The following PPP6R3 variants were observed in gnomAD, a reference collection of about 807,000 sequenced individuals.
PPP6R3 encodes serine/threonine-protein phosphatase 6 regulatory subunit 3.
A neutral mutation model predicts 110.7 loss-of-function variants in PPP6R3; 38 were observed. The observed-to-expected ratio is 0.34, with a 90% confidence interval of 0.26 to 0.45. The LOEUF (loss-of-function observed/expected upper bound fraction) is 0.45, where lower values mean the gene tolerates loss of function less well. PPP6R3 is among the 20% of genes least tolerant of loss of function. PPP6R3 has a pLI of 1.00. For missense variants in PPP6R3, 870 were observed against 1,062.4 expected, an observed-to-expected ratio of 0.82 and a Z score of 2.52; for synonymous variants, 369 against 373.5, an observed-to-expected ratio of 0.99 and a Z score of 0.14.
At chr11:68,506,414 C>CAAAAAAAAAAAAAAAAAAAAAA (rs67739319) in intron 1 of PPP6R3, among the ~76,000 whole-genome samples, 11 of 46,072 alleles carry the variant, frequency 2.4e-4, no homozygotes, top group Admixed American at 3.8e-4. Flanking sequence ...CCTTTATACT[C>CAAAAAAAAAAAAAAAAAAAAAA]AAAAAAAAAA....
chr11:68,547,851 C>CAT (rs3831403), intron 4 of PPP6R3, among the ~76,000 whole-genome samples: 38,367 of 151,862 alleles, frequency 0.25, 5,055 homozygotes, highest in Middle Eastern at 0.32. Context: ...TATTAATGGA[C>CAT]GTGCTAATTT....
In PPP6R3 at chr11:68,576,058, G is replaced by T. The variant is rs746687977; in HGVS notation, c.1545+15G>T. On this transcript the variant is annotated intron_variant, in intron 14 of 23. Transcript: ENST00000393800. ...CGGTAGATCTAGTAGGTTTTACAAG[G>T]TTACATTTTTATTCTTTCAGTGCTC... 3 of 1,558,830 alleles carry T rather than the reference G, an allele frequency of 1.9e-6. No individual in the cohort carries two copies. Among genetic ancestry groups the T allele is most frequent in the Non-Finnish European group, 8.8e-7 (1 of 1,136,634 alleles).
chr11:68,575,898 T>G, intron 13 of PPP6R3, 60 bp from the exon 14 acceptor site: 1 of 1,296,976 alleles, frequency 7.7e-7, no homozygotes, highest in South Asian at 1.3e-5. Flanking sequence ...CTGCTTACTT[T>G]ATTTGTCTCC....
chr11:68,492,411 A>C (rs1008324643), intron 1 of PPP6R3, among the ~76,000 whole-genome samples: 2 of 152,166 alleles, frequency 1.3e-5, no homozygotes, highest in Non-Finnish European at 1.5e-5. Context: ...GGCCTCCCAG[A>C]ATGCTGGGAT....
At chr11:68,468,445 A>G (rs2098764574) in intron 1 of PPP6R3, among the ~76,000 whole-genome samples, 1 of 152,188 alleles carries the variant, frequency 6.6e-6, no homozygotes, top group African/African-American at 2.4e-5. Flanking sequence ...TCTGTGAATG[A>G]CTGTCCCTTT....
intron 9 of PPP6R3, among the ~76,000 whole-genome samples, chr11:68,566,193 A>T (rs1034792358): frequency 3.3e-5 from 5 of 152,144 alleles, no homozygotes; most frequent in African/African-American, 7.2e-5. Flanking sequence ...TGAGGATTGT[A>T]TTCCAAAACC....
At chr11:68,491,328 C>CTGTGCGTGTGTGTGTGTGTG (rs2098982532) in intron 1 of PPP6R3, among the ~76,000 whole-genome samples, 1 of 123,480 alleles carries the variant, frequency 8.1e-6, no homozygotes, top group Admixed American at 8.4e-5. Flanking sequence ...GTGTCTTCAG[C>CTGTGCGTGTGTGTGTGTGTG]TGTGTGTGTG....
At chr11:68,607,749 T>C (rs188006369) in intron 22 of PPP6R3, among the ~76,000 whole-genome samples, 66 of 152,288 alleles carry the variant, frequency 4.3e-4, no homozygotes, top group African/African-American at 1.5e-3. Flanking sequence ...CTATCTAATC[T>C]ATCATCTGTC....
intron 1 of PPP6R3, among the ~76,000 whole-genome samples, chr11:68,475,653 C>A (rs984655262): frequency 6.6e-6 from 1 of 151,044 alleles, no homozygotes; most frequent in South Asian, 2.1e-4. Context: ...ACCTCCCTCC[C>A]GGACGGGGCG....
intron 1 of PPP6R3, among the ~76,000 whole-genome samples, chr11:68,493,160 G>A (rs2098994075): frequency 6.6e-6 from 1 of 152,098 alleles, no homozygotes; most frequent in South Asian, 2.1e-4. Context: ...GATATGTAGG[G>A]TCTAAGTGCT....
intron 1 of PPP6R3, among the ~76,000 whole-genome samples, chr11:68,475,760 G>A (rs1217992703): frequency 5.4e-5 from 6 of 110,300 alleles, no homozygotes; most frequent in African/African-American, 9.8e-5. Context: ...GCTGCCGGGC[G>A]GAGGGGCTCC....
chr11:68,498,198 A>G (rs1227103029), intron 1 of PPP6R3, among the ~76,000 whole-genome samples: 1 of 152,150 alleles, frequency 6.6e-6, no homozygotes, highest in African/African-American at 2.4e-5. Flanking sequence ...CCCAGTTGCT[A>G]TTTTACCAGC....
chr11:68,523,720 CCT>C lies in PPP6R3; in HGVS notation c.-7+4070_-7+4071del, dbSNP rs1303421461. 4.6e-3 allele frequency among the ~76,000 whole-genome samples: 361 copies of C among 78,698 alleles called. 1 individual carries two copies. Among genetic ancestry groups the C allele is most frequent in the African/African-American group, 0.017 (343 of 20,150 alleles). The allele number at this position is 78,698 out of a possible 152,430, so 51.6% of individuals were successfully genotyped here. A position where few individuals can be genotyped will look rare whatever the true frequency, so the allele number is the denominator to read the frequency against. On this transcript the variant is annotated intron_variant, in intron 2 of 23. Transcript: ENST00000393800. ...CCATGCCCCCCTGCCCCCCCCCCCC[CCT>C]TTTTTTTTTCTCTTGGCCAAGAGGT...
rs371757193 is a variant in PPP6R3 at position 68,488,103 on chromosome 11, T to C, written c.-158+27276T>C. Among the ~76,000 whole-genome samples the C allele has an allele frequency of 2.2e-4, 33 of 152,372 alleles. No individual in the cohort carries two copies. The East Asian group carries it at 4.6e-3, about 21-fold the overall frequency. ...TCTTGGAATATTTCTTCCTTTATCA[T>C]TATGTAATACCTCTCTTTAGCCTTG... On this transcript the variant is annotated intron_variant, in intron 1 of 23. Coordinates refer to ENST00000393800, the MANE Select transcript of PPP6R3 (RefSeq NM_001164161.2).
intron 22 of PPP6R3, chr11:68,609,489 A>G: frequency 1.8e-6 from 2 of 1,122,694 alleles, no homozygotes; most frequent in Non-Finnish European, 1.3e-6. Context: ...TGACACCTTC[A>G]CCGAGTCTGC....
intron 18 of PPP6R3, among the ~76,000 whole-genome samples, chr11:68,594,076 T>G (rs897201526): frequency 2.6e-5 from 4 of 152,024 alleles, no homozygotes; most frequent in Non-Finnish European, 5.9e-5. Flanking sequence ...GAACAAGATA[T>G]GTTAACACTA....
At chr11:68,595,074 A>G (rs2099609431) in intron 18 of PPP6R3, among the ~76,000 whole-genome samples, 1 of 152,206 alleles carries the variant, frequency 6.6e-6, no homozygotes, top group African/African-American at 2.4e-5. Flanking sequence ...CTCAAAATGG[A>G]TCTTAGACCC....
intron 1 of PPP6R3, among the ~76,000 whole-genome samples, chr11:68,477,627 G>A (rs1420747674): frequency 6.6e-6 from 1 of 150,798 alleles, no homozygotes; most frequent in African/African-American, 2.4e-5. Flanking sequence ...TCAGGAGACT[G>A]AGGTGGGAAG....
At chr11:68,537,466 T>C (rs2099276841) in intron 2 of PPP6R3, among the ~76,000 whole-genome samples, 193 bp from the exon 3 acceptor site, 1 of 152,190 alleles carries the variant, frequency 6.6e-6, no homozygotes, top group East Asian at 1.9e-4. Flanking sequence ...TATTAAAATA[T>C]TTTCTTTTCT....
Sources: gnomAD v4.1 joint callset for allele counts (sites outside exome capture counted in the v4.1 genomes callset) on GRCh38, gnomAD v4.1.1 for gene constraint, MANE v1.5 for transcripts, NCBI Gene and HGNC (gene_info 2026-07-23, HGNC 2026-07-21) for gene names.